Variants in ADAM12 observed in about 807,000 individuals in gnomAD.
ADAM12 encodes ADAM metallopeptidase domain 12, also known as disintegrin and metalloproteinase domain-containing protein 12.
In ADAM12, 70 loss-of-function variants were observed where a neutral mutation model predicts 106.4. The observed-to-expected ratio is 0.66, with a 90% confidence interval of 0.54 to 0.80. The LOEUF is 0.80. ADAM12 is among the 30% of genes least tolerant of loss of function. The pLI is 0.00. For synonymous variants in ADAM12, 420 were observed against 433.5 expected (o/e 0.97, Z 0.39); for missense variants, 1,010 against 1,171.9 (o/e 0.86, Z 2.02).
chr10:126,063,549 C>T (rs979583773), intron 14 of ADAM12, among the ~76,000 whole-genome samples: 3 of 152,190 alleles, frequency 2.0e-5, no homozygotes, highest in Admixed American at 6.5e-5. Context: ...AGAGATCCTG[C>T]CTGATTCTGC....
At chr10:126,368,348 T>TAAAAAAAAAAAAAAAAAAAAAAA (rs1186566541) in intron 1 of ADAM12, among the ~76,000 whole-genome samples, 1 of 141,084 alleles carries the variant, frequency 7.1e-6, no homozygotes, top group Non-Finnish European at 1.5e-5. Flanking sequence ...GCTTAGATTG[T>TAAAAAAAAAAAAAAAAAAAAAAA]GTGATTTGTT....
At chr10:126,129,685 T>C (rs1478746573) in intron 5 of ADAM12, among the ~76,000 whole-genome samples, 3 of 152,198 alleles carry the variant, frequency 2.0e-5, no homozygotes, top group Non-Finnish European at 4.4e-5. Context: ...ATGGGAGACA[T>C]ACGATACGGG....
intron 2 of ADAM12, among the ~76,000 whole-genome samples, chr10:126,287,669 C>CTT (rs1959934939): frequency 6.6e-6 from 1 of 151,938 alleles, no homozygotes; most frequent in South Asian, 2.1e-4. Flanking sequence ...TGGCTGCTGA[C>CTT]TCTCTGCCAA....
chr10:126,081,955 G>A (rs1955227139), intron 11 of ADAM12, among the ~76,000 whole-genome samples: 1 of 152,208 alleles, frequency 6.6e-6, no homozygotes, highest in African/African-American at 2.4e-5. Flanking sequence ...GTAAATTTGA[G>A]AGCAAGATGA....
At chr10:126,276,909 G>A (rs1342139330) in intron 3 of ADAM12, among the ~76,000 whole-genome samples, 2 of 152,118 alleles carry the variant, frequency 1.3e-5, no homozygotes, top group Non-Finnish European at 2.9e-5. Context: ...CTGCAGTAAT[G>A]GAAGGTACAT....
At chr10:126,234,874 A>G (rs943366111) in intron 3 of ADAM12, among the ~76,000 whole-genome samples, 14 of 152,194 alleles carry the variant, frequency 9.2e-5, no homozygotes, top group Non-Finnish European at 2.1e-4. Flanking sequence ...GCAGTTCCCC[A>G]TCTCAGGGTC....
chr10:126,323,669 T>C (rs1257510932), intron 2 of ADAM12, among the ~76,000 whole-genome samples: 1 of 152,074 alleles, frequency 6.6e-6, no homozygotes, highest in South Asian at 2.1e-4. Context: ...CACAGGCTGG[T>C]TGGGAGAAGC....
intron 5 of ADAM12, among the ~76,000 whole-genome samples, chr10:126,129,554 C>T (rs1260135245): frequency 6.6e-6 from 1 of 152,154 alleles, no homozygotes; most frequent in Non-Finnish European, 1.5e-5. Context: ...CCTCCAGGCT[C>T]CCTGGCTGGC....
intron 4 of ADAM12, among the ~76,000 whole-genome samples, chr10:126,138,079 A>C (rs1276725879): frequency 6.6e-6 from 1 of 152,174 alleles, no homozygotes; most frequent in Non-Finnish European, 1.5e-5. Flanking sequence ...TTATCTTTTC[A>C]ATTATAGCCA....
chr10:126,339,648 G>A (rs965134296), intron 1 of ADAM12, among the ~76,000 whole-genome samples: 1 of 152,120 alleles, frequency 6.6e-6, no homozygotes, highest in Non-Finnish European at 1.5e-5. Flanking sequence ...GAACATGAAT[G>A]TGAAAACCCC....
At chr10:126,032,675 C>T (rs1953991382) in intron 21 of ADAM12, among the ~76,000 whole-genome samples, 1 of 152,152 alleles carries the variant, frequency 6.6e-6, no homozygotes, top group East Asian at 1.9e-4. Context: ...AGCTTCTCTG[C>T]TCTTTGGCTA....
intron 3 of ADAM12, among the ~76,000 whole-genome samples, chr10:126,222,113 C>T (rs768925934): frequency 5.3e-5 from 8 of 152,336 alleles, no homozygotes; most frequent in Admixed American, 2.6e-4. Context: ...AGGCATTACA[C>T]GGAACCATGG....
chr10:126,134,268 G>A (rs1250685390), intron 5 of ADAM12, among the ~76,000 whole-genome samples: 1 of 152,222 alleles, frequency 6.6e-6, no homozygotes, highest in Admixed American at 6.5e-5. Context: ...AAATGTGTGT[G>A]TTCACTCAAT....
intron 18 of ADAM12, 70 bp downstream of exon 18, chr10:126,042,970 G>T: frequency 1.4e-6 from 2 of 1,459,066 alleles, no homozygotes; most frequent in Non-Finnish European, 1.9e-6. Context: ...CACCCATGCT[G>T]ACAGCTGGCG....
intron 11 of ADAM12, among the ~76,000 whole-genome samples, chr10:126,072,725 C>A (rs1487415266): frequency 1.3e-5 from 2 of 152,198 alleles, no homozygotes; most frequent in Non-Finnish European, 2.9e-5. Context: ...AATGCATTTT[C>A]CCATGTCTTG....
intron 1 of ADAM12, among the ~76,000 whole-genome samples, chr10:126,382,812 AT>A (rs1856540256): frequency 6.6e-6 from 1 of 152,248 alleles, no homozygotes; most frequent in Admixed American, 6.5e-5. Flanking sequence ...TTAACAAGTA[AT>A]GACTAACACA....
intron 21 of ADAM12, among the ~76,000 whole-genome samples, chr10:126,027,477 C>T (rs1401176373): frequency 6.6e-6 from 1 of 152,098 alleles, no homozygotes; most frequent in Non-Finnish European, 1.5e-5. Context: ...CAACAAAATA[C>T]AGGCAAACAG....
intron 1 of ADAM12, among the ~76,000 whole-genome samples, chr10:126,364,935 T>C (rs1002728674): frequency 2.0e-5 from 3 of 152,096 alleles, no homozygotes; most frequent in African/African-American, 7.2e-5. Context: ...AGGTAAAGAA[T>C]AGTGATGTAT....
intron 1 of ADAM12, among the ~76,000 whole-genome samples, chr10:126,364,912 C>A (rs1334551092): frequency 6.6e-6 from 1 of 152,136 alleles, no homozygotes; most frequent in Non-Finnish European, 1.5e-5. Context: ...CCCTCCCTTC[C>A]CCTAACTCCC....
Sources: allele counts gnomAD v4.1 joint callset (sites outside exome capture counted in the v4.1 genomes callset), GRCh38; gene constraint gnomAD v4.1.1; transcripts MANE v1.5; gene names NCBI Gene and HGNC (gene_info 2026-07-23, HGNC 2026-07-21).